The following MAP3K13 variants were observed in gnomAD, a reference collection of about 807,000 sequenced individuals.
MAP3K13 encodes leucine zipper-bearing kinase.
Under a neutral mutation model 104.0 loss-of-function variants are expected in MAP3K13, and 52 were observed. The observed-to-expected ratio is 0.50, with a 90% CI of 0.40 to 0.63. MAP3K13 has a LOEUF of 0.63. Ranked by LOEUF, MAP3K13 falls within the 20% of genes least tolerant of loss-of-function variation. MAP3K13 has a pLI of 0.00. For synonymous variants in MAP3K13, 394 were observed against 442.2 expected (o/e 0.89, Z 1.37); for missense variants, 914 against 1,218.5 (o/e 0.75, Z 3.72).
chr3:185,432,246 A>T (rs1036756911), intron 2 of MAP3K13, among the ~76,000 whole-genome samples: 2 of 141,020 alleles, frequency 1.4e-5, no homozygotes, highest in Non-Finnish European at 3.0e-5. Flanking sequence ...CTGGAGCGCA[A>T]TGGGTGTGAT....
At position 185,454,453 on chromosome 3, in the gene MAP3K13, AGATATATAT is replaced by A. The variant is rs1203003364; in HGVS notation, c.1278+3068_1278+3076del. Reference sequence around the variant, plus strand: ...ATGATATATATGAGATATATATATGAGATATATATGATATATATATGAGATATATATGAT... The same window carrying A: ...ATGATATATATGAGATATATATATGAGATATATATATGAGATATATATGAT... On this transcript the variant is annotated intron_variant, in intron 7 of 13. Coordinates refer to ENST00000265026, the MANE Select transcript of MAP3K13 (RefSeq NM_004721.5). Among the ~76,000 whole-genome samples, 201 of 95,940 alleles carry A rather than the reference AGATATATAT, an allele frequency of 2.1e-3. 6 individuals are homozygous for A. Among genetic ancestry groups the A allele is most frequent in the African/African-American group, 7.3e-3 (182 of 24,882 alleles). 62.9% of individuals were successfully genotyped at this position (95,940 alleles called of 152,430 possible).
At position 185,291,134 on chromosome 3, in the gene MAP3K13, C is replaced by T. The variant is rs564872986; in HGVS notation, c.-86+5491C>T. Reference sequence around the variant, plus strand: ...TCTTTTTCTCCCTGTTTAAATATTACAATATTTTTGAACCATAATACTTCC... The same window carrying T: ...TCTTTTTCTCCCTGTTTAAATATTATAATATTTTTGAACCATAATACTTCC... On this transcript the variant is annotated intron_variant, in intron 2 of 14. Transcript: ENST00000424227. Among the ~76,000 whole-genome samples the T allele has an allele frequency of 3.7e-4, 56 of 152,230 alleles. 1 individual carries two copies. In the South Asian group the frequency reaches 8.3e-3, roughly 23 times the overall value.
Position 185,455,646 on chromosome 3 carries a change from G to T in MAP3K13, c.1278+4251G>T, listed in dbSNP as rs1032530297. Among the ~76,000 whole-genome samples, 44 of 8,038 alleles carry T rather than the reference G, an allele frequency of 5.5e-3. 4 individuals carry two copies. The highest frequency in any genetic ancestry group is 0.062 in the Middle Eastern group (1 of 16). The allele number at this position is 8,038 out of a possible 152,430, so 5.3% of individuals were successfully genotyped here. A position where few individuals can be genotyped will look rare whatever the true frequency, so the allele number is the denominator to read the frequency against. On this transcript the variant is annotated intron_variant, in intron 7 of 13. Coordinates refer to ENST00000265026, the MANE Select transcript of MAP3K13 (RefSeq NM_004721.5). ...TATGATATATATATGATATATATGAGATATATATATGATATATATATGATA... is the reference window on the plus strand; with the variant it reads ...TATGATATATATATGATATATATGATATATATATATGATATATATATGATA...
At chr3:185,481,479 C>A (rs498414) in intron 13 of MAP3K13, among the ~76,000 whole-genome samples, 3,843 of 141,954 alleles carry the variant, frequency 0.027, 68 homozygotes, top group Middle Eastern at 0.054. Flanking sequence ...AACAGTGAGA[C>A]CCTGTCTCTG....
chr3:185,347,595 T>A (rs1241038971), intron 2 of MAP3K13, among the ~76,000 whole-genome samples: 1 of 152,184 alleles, frequency 6.6e-6, no homozygotes, highest in African/African-American at 2.4e-5. Flanking sequence ...AAGTTTGCAG[T>A]AGATGGCAGC....
chr3:185,303,752 T>C (rs929900566), intron 2 of MAP3K13, among the ~76,000 whole-genome samples: 9 of 151,968 alleles, frequency 5.9e-5, no homozygotes, highest in Non-Finnish European at 1.3e-4. Context: ...TTTTGTTGCC[T>C]TTTTTAAAAA....
rs1560120582 is a variant in MAP3K13 at position 185,455,714 on chromosome 3, GAGATATATATGAT to G, written c.1278+4321_1278+4333del. On this transcript the variant is annotated intron_variant, in intron 7 of 13. Transcript: ENST00000265026. ...TATGATATATATATGAGATATATAT[GAGATATATATGAT>G]ATATATATGAGATATATATATGATA... 1.8e-3 allele frequency among the ~76,000 whole-genome samples: 19 copies of G among 10,758 alleles called. 4 individuals are homozygous for G. In the East Asian group the frequency reaches 0.027, roughly 15 times the overall value. The allele number at this position is 10,758 out of a possible 152,430, so 7.1% of individuals were successfully genotyped here.
chr3:185,451,425 A>G, intron 7 of MAP3K13, 30 bp downstream of exon 7: 1 of 1,442,806 alleles, frequency 6.9e-7, no homozygotes, highest in East Asian at 2.3e-5. Context: ...ACCAGGTGCT[A>G]CTAAACAGAT....
chr3:185,371,070 G>A (rs1724136554), intron 1 of MAP3K13, among the ~76,000 whole-genome samples: 1 of 151,954 alleles, frequency 6.6e-6, no homozygotes, highest in Non-Finnish European at 1.5e-5. Flanking sequence ...TATGATAATT[G>A]CTAGCTTTTG....
intron 2 of MAP3K13, among the ~76,000 whole-genome samples, chr3:185,335,620 AG>A (rs1722472426): frequency 2.6e-5 from 4 of 152,200 alleles, no homozygotes; most frequent in Admixed American, 6.5e-5. Flanking sequence ...ACAAAATCCA[AG>A]GATGTTCAGA....
chr3:185,423,575 C>T lies in MAP3K13; in HGVS notation c.-85-4922C>T, dbSNP rs938097694. 1.3e-5 allele frequency among the ~76,000 whole-genome samples: 2 copies of T among 152,130 alleles called. No individual in the cohort carries two copies. The highest frequency in any genetic ancestry group is 2.9e-5 in the Non-Finnish European group (2 of 68,022). On this transcript the variant is annotated intron_variant, in intron 1 of 13. Transcript: ENST00000265026. The surrounding 1 kb of genome is among the most constrained non-coding windows in gnomAD (Gnocchi z 4.1). ...GGAGTGGGTGGAATGGTGTCTGTAACAAAGGGCTCCAGTTTTTCTTCTTTC... is the reference window on the plus strand; with the variant it reads ...GGAGTGGGTGGAATGGTGTCTGTAATAAAGGGCTCCAGTTTTTCTTCTTTC...
chr3:185,453,701 G>A (rs545973593), intron 7 of MAP3K13, among the ~76,000 whole-genome samples: 15 of 150,148 alleles, frequency 1.0e-4, no homozygotes, highest in Non-Finnish European at 1.6e-4. Flanking sequence ...CCTGGGAGGC[G>A]GAGGATGCAG....
At chr3:185,346,987 GTTTT>G (rs201877429) in intron 2 of MAP3K13, among the ~76,000 whole-genome samples, 3 of 127,688 alleles carry the variant, frequency 2.3e-5, no homozygotes, top group Non-Finnish European at 3.2e-5. Flanking sequence ...CACAAAGGAA[GTTTT>G]TTTTTTTTTT....
chr3:185,397,330 G>C (rs1334084928), intron 1 of MAP3K13, among the ~76,000 whole-genome samples: 1 of 152,202 alleles, frequency 6.6e-6, no homozygotes, highest in Non-Finnish European at 1.5e-5. Flanking sequence ...TCAGTTTGCA[G>C]ATGAGGAAAT....
chr3:185,357,871 T>G (rs945879062), intron 2 of MAP3K13, among the ~76,000 whole-genome samples: 2 of 152,190 alleles, frequency 1.3e-5, no homozygotes, highest in African/African-American at 4.8e-5. Flanking sequence ...TGGCTAGATA[T>G]TTTATTATCC....
chr3:185,335,263 G>A (rs1358905857), intron 2 of MAP3K13, among the ~76,000 whole-genome samples: 4 of 152,152 alleles, frequency 2.6e-5, no homozygotes, highest in Admixed American at 1.3e-4. Flanking sequence ...ACTTGGAGAA[G>A]TGTTGCTTTG....
At chr3:185,447,987 T>C (rs1289608404) in intron 5 of MAP3K13, 40 bp downstream of exon 5, 1 of 1,583,230 alleles carries the variant, frequency 6.3e-7, no homozygotes, top group Admixed American at 1.8e-5. Context: ...AAAAGCCTTT[T>C]CCCACTTTCG....
intron 2 of MAP3K13, among the ~76,000 whole-genome samples, chr3:185,286,715 A>G (rs748723858): frequency 3.9e-5 from 6 of 152,184 alleles, no homozygotes; most frequent in African/African-American, 4.8e-5. Context: ...TAGAGCATAC[A>G]TTTATATACA....
chr3:185,337,238 T>C (rs1722538917), intron 2 of MAP3K13, among the ~76,000 whole-genome samples: 1 of 152,208 alleles, frequency 6.6e-6, no homozygotes. Context: ...TGTTGTGAGA[T>C]GCGTAGCAGT....
Sources: gnomAD v4.1 joint callset for allele counts (sites outside exome capture counted in the v4.1 genomes callset) on GRCh38, gnomAD v4.1.1 for gene constraint, Gnocchi (gnomAD v3.1) non-coding constraint, MANE v1.5 for transcripts, NCBI Gene and HGNC (gene_info 2026-07-23, HGNC 2026-07-21) for gene names.